Variants in PARD3B observed in about 807,000 individuals in gnomAD.
PARD3B encodes the protein partitioning defective 3 homolog B.
In PARD3B, 103 loss-of-function variants were observed where a neutral mutation model predicts 130.2. That is an observed-to-expected ratio of 0.79 (90% confidence interval 0.67 to 0.93). PARD3B has a LOEUF of 0.93. Ranked by LOEUF, PARD3B falls within the 40% of genes least tolerant of loss-of-function variation. PARD3B has a pLI of 0.00. For synonymous variants in PARD3B, 583 were observed against 553.2 expected (o/e 1.05, Z -0.76); for missense variants, 1,609 against 1,499.2 (o/e 1.07, Z -1.21).
At chr2:204,553,101 A>G (rs777494870) in intron 1 of PARD3B, among the ~76,000 whole-genome samples, 8 of 152,230 alleles carry the variant, frequency 5.3e-5, no homozygotes, top group Admixed American at 3.9e-4. Context: ...GGCCAAGGAC[A>G]TGAATAGACA....
chr2:205,418,218 C>T (rs1216040619), intron 19 of PARD3B, among the ~76,000 whole-genome samples: 1 of 152,114 alleles, frequency 6.6e-6, no homozygotes, highest in African/African-American at 2.4e-5. Flanking sequence ...ACCTTTGAAT[C>T]TGAGGTTAAA....
chr2:205,404,523 T>C (rs2046356413), intron 19 of PARD3B, among the ~76,000 whole-genome samples: 1 of 152,210 alleles, frequency 6.6e-6, no homozygotes, highest in South Asian at 2.1e-4. Flanking sequence ...GCTTTTTTCA[T>C]AGCATTATAT....
intron 2 of PARD3B, among the ~76,000 whole-genome samples, chr2:204,700,923 A>C (rs1413442281): frequency 1.3e-5 from 2 of 152,082 alleles, no homozygotes; most frequent in Admixed American, 6.6e-5. Context: ...ATGTCAAAAA[A>C]TTTTAAATAT....
chr2:205,375,316 G>T lies in PARD3B; in HGVS notation c.2631-25697G>T, dbSNP rs760668453. Among the ~76,000 whole-genome samples the T allele has an allele frequency of 5.9e-4, 90 of 152,212 alleles. 3 individuals are homozygous for T. Among genetic ancestry groups the T allele is most frequent in the Admixed American group, 2.0e-4 (3 of 15,280 alleles). Reference sequence around the variant, plus strand: ...ATTCCTGATTTCAGGTAGCCATAGAGATGAATACTTCATTTATTCATTCGC... The same window carrying T: ...ATTCCTGATTTCAGGTAGCCATAGATATGAATACTTCATTTATTCATTCGC... On this transcript the variant is annotated intron_variant, in intron 18 of 22. Transcript: ENST00000406610.
chr2:205,199,657 A>G (rs377284084), intron 15 of PARD3B, among the ~76,000 whole-genome samples: 15 of 152,156 alleles, frequency 9.9e-5, no homozygotes, highest in African/African-American at 3.6e-4. Flanking sequence ...CCATTGTTTT[A>G]AACCCCTGCT....
At chr2:205,504,124 C>T (rs1423498961) in intron 21 of PARD3B, among the ~76,000 whole-genome samples, 1 of 152,134 alleles carries the variant, frequency 6.6e-6, no homozygotes, top group East Asian at 1.9e-4. Flanking sequence ...ACAAACCTAA[C>T]AAAAACAAGA....
At chr2:204,902,387 C>T (rs2046892042) in intron 2 of PARD3B, among the ~76,000 whole-genome samples, 1 of 151,768 alleles carries the variant, frequency 6.6e-6, no homozygotes, top group South Asian at 2.1e-4. Flanking sequence ...GAATGAGTTT[C>T]AGCCAGGCGC....
intron 16 of PARD3B, among the ~76,000 whole-genome samples, chr2:205,257,429 G>A (rs1162123513): frequency 6.6e-6 from 1 of 151,616 alleles, no homozygotes; most frequent in Admixed American, 6.6e-5. Context: ...TGCCCTCAGT[G>A]AGCTGTGAGA....
chr2:204,916,138 G>A (rs558625372), intron 2 of PARD3B, among the ~76,000 whole-genome samples: 79 of 152,296 alleles, frequency 5.2e-4, no homozygotes, highest in African/African-American at 1.8e-3. Context: ...CAGGAAAGAC[G>A]GTTGGCTGTT....
In PARD3B at chr2:204,876,552, G is replaced by A. The variant is rs542222437; in HGVS notation, c.223-88600G>A. On this transcript the variant is annotated intron_variant, in intron 2 of 22. Transcript: ENST00000406610. Reference sequence around the variant, plus strand: ...TGCCTAGGCCTAACAAGTAAGATGCGAAGAAGACTGTACATCTTGATTTTT... The same window carrying A: ...TGCCTAGGCCTAACAAGTAAGATGCAAAGAAGACTGTACATCTTGATTTTT... Among the ~76,000 whole-genome samples, 40 of 152,262 alleles carry A rather than the reference G, an allele frequency of 2.6e-4. 1 individual carries two copies. The highest frequency in any genetic ancestry group is 9.6e-4 in the African/African-American group (40 of 41,544).
chr2:205,022,652 C>T (rs1035470608), intron 3 of PARD3B, among the ~76,000 whole-genome samples: 2 of 152,300 alleles, frequency 1.3e-5, no homozygotes, highest in South Asian at 2.1e-4. Flanking sequence ...ATGCTAACTT[C>T]AAGCCAGTGT....
rs879284424 is a variant in PARD3B at position 205,187,566 on chromosome 2, T to G, written c.2024+1703T>G. On this transcript the variant is annotated intron_variant, in intron 14 of 22. Coordinates refer to ENST00000406610, the MANE Select transcript of PARD3B (RefSeq NM_001302769.2). This position sits in a 1 kb window ranked among gnomAD's most constrained non-coding sequence, Gnocchi z 4.9. ...TGCAGGGGAGGCTAGAGAGAAGCAC[T>G]CAGATGAGAAACCTTCAAGGGAGAG... 6.6e-6 allele frequency among the ~76,000 whole-genome samples: 1 copy of G among 152,142 alleles called. No homozygotes were observed. Among genetic ancestry groups the G allele is most frequent in the Non-Finnish European group, 1.5e-5 (1 of 68,032 alleles).
In PARD3B at chr2:205,590,632, A is replaced by G. The variant is rs115954102; in HGVS notation, c.3261-24824A>G. Among the ~76,000 whole-genome samples, 903 of 152,296 alleles carry G rather than the reference A, an allele frequency of 5.9e-3. 12 individuals are homozygous for G. The highest frequency in any genetic ancestry group is 0.021 in the African/African-American group (870 of 41,570). On this transcript the variant is annotated intron_variant, in intron 22 of 22. Transcript: ENST00000406610. This position sits in a 1 kb window ranked among gnomAD's most constrained non-coding sequence, Gnocchi z 4.1. Reference sequence around the variant, plus strand: ...CATGGAATGATTCCCAAAAGAACAGAAGGCTGTCACCAGGATAAAGTAGGA... The same window carrying G: ...CATGGAATGATTCCCAAAAGAACAGGAGGCTGTCACCAGGATAAAGTAGGA...
rs150292697 is a variant in PARD3B, at chr2:205,289,214, C to CA, written c.2186-11309dup. 1.9e-3 allele frequency among the ~76,000 whole-genome samples: 283 copies of CA among 151,836 alleles called. 6 individuals are homozygous for CA. The East Asian group carries it at 0.032, about 17-fold the overall frequency. On this transcript the variant is annotated intron_variant, in intron 16 of 22. Transcript: ENST00000406610. ...TGAAAAGTGATAAGAAATCTTAGAC[C>CA]AAAAAAAGTAGAAGTTTTCAATAAA...
chr2:204,879,010 T>G (rs1368354960), intron 2 of PARD3B, among the ~76,000 whole-genome samples: 1 of 152,138 alleles, frequency 6.6e-6, no homozygotes, highest in African/African-American at 2.4e-5. Flanking sequence ...TAGATGCCCT[T>G]AGCTATTTGG....
Position 205,325,480 on chromosome 2 carries a change from A to G in PARD3B, c.2630+23779A>G, listed in dbSNP as rs184850860. Among the ~76,000 whole-genome samples the G allele has an allele frequency of 6.6e-6, 1 of 151,844 alleles. No homozygotes were observed. Among genetic ancestry groups the G allele is most frequent in the East Asian group, 1.9e-4 (1 of 5,142 alleles). On this transcript the variant is annotated intron_variant, in intron 18 of 22. Coordinates refer to ENST00000406610, the MANE Select transcript of PARD3B (RefSeq NM_001302769.2). The surrounding 1 kb of genome is among the most constrained non-coding windows in gnomAD (Gnocchi z 4.1). ...CCTTGCTGACAACAATTCTCTCCAC[A>G]CTCAGTACTGATAAAGATAGTTTAC...
At chr2:204,912,732 GC>G (rs746022188) in intron 2 of PARD3B, among the ~76,000 whole-genome samples, 2 of 152,140 alleles carry the variant, frequency 1.3e-5, no homozygotes, top group Non-Finnish European at 2.9e-5. Flanking sequence ...TTGGGAAATA[GC>G]TAAAAACATA....
At chr2:205,374,180 G>GA (rs58332160) in intron 18 of PARD3B, among the ~76,000 whole-genome samples, 87,411 of 143,306 alleles carry the variant, frequency 0.61, 27,389 homozygotes, top group South Asian at 0.75. Flanking sequence ...GAGGAAAAAT[G>GA]AAAAAAAAAA....
chr2:205,000,082 A>C (rs982415933), intron 3 of PARD3B, among the ~76,000 whole-genome samples: 18 of 151,590 alleles, frequency 1.2e-4, no homozygotes, highest in Admixed American at 2.0e-4. Flanking sequence ...GTTGGGGTAT[A>C]CTGAACAGGC....
Sources: gnomAD v4.1 joint callset for allele counts (sites outside exome capture counted in the v4.1 genomes callset) on GRCh38, gnomAD v4.1.1 for gene constraint, Gnocchi (gnomAD v3.1) non-coding constraint, MANE v1.5 for transcripts, NCBI Gene and HGNC (gene_info 2026-07-23, HGNC 2026-07-21) for gene names.